The following EMD variants were observed in gnomAD, a reference collection of about 807,000 sequenced individuals.
The protein encoded by EMD is emerin.
Under a neutral mutation model 15.2 loss-of-function variants are expected in EMD, and 2 were observed. The ratio of observed to expected loss-of-function variants is 0.13; its 90% CI spans 0.05 to 0.41. EMD has a LOEUF of 0.41. Ranked by LOEUF, EMD falls within the 10% of genes least tolerant of loss-of-function variation. The pLI, the probability that EMD is intolerant of heterozygous loss-of-function variation, is 0.99. For missense variants in EMD, 224 were observed against 213.4 expected (o/e 1.05, Z -0.31); for synonymous variants, 122 against 86.2 (o/e 1.42, Z -2.30).
chrX:154,379,532 G>C lies in EMD; in HGVS notation c.48G>C (p.Leu16=). 8.5e-7 allele frequency: 1 copy of C among 1,170,754 alleles called. No individual in the cohort carries two copies. Among genetic ancestry groups the C allele is most frequent in the Non-Finnish European group, 1.1e-6 (1 of 874,419 alleles). ...DLSDTELTTL[L]RRYNIPHGPV... ...CGGATACCGAGCTGACCACCTTGCT[G>C]CGCCGGTACAACATCCCGCACGGGC... Residue 16 remains leucine, a synonymous_variant, in exon 1 of 6, where the codon CTG becomes CTC. Transcript: ENST00000369842.
At chrX:154,380,212 T>C in intron 3 of EMD, 22 bp from the exon 4 acceptor site, 2 of 1,211,035 alleles carry the variant, frequency 1.7e-6, no homozygotes, top group Non-Finnish European at 2.2e-6. Context: ...CCCCCTCTGC[T>C]ACCGCTGCCC....
In EMD at chrX:154,381,144, G is replaced by T. The variant is rs782455914; in HGVS notation, c.712G>T (p.Val238Phe). Residue 238 changes from valine (V) to phenylalanine (F), a missense_variant, in exon 6 of 6, where the codon GTC (valine) becomes TTC (phenylalanine). Physicochemically the swap from Val to Phe is conservative, Grantham distance 50 (BLOSUM62 -1). Coordinates refer to ENST00000369842, the MANE Select transcript of EMD (RefSeq NM_000117.3). The part of the protein sequence containing the change: ...QLLLFLVFVI[V>F]LFFIYHFMQA... ...GCTGCTTTTCCTGGTCTTTGTGATC[G>T]TCCTCTTCTTCATTTACCACTTCAT... 8.3e-7 allele frequency: 1 copy of T among 1,209,653 alleles called. No homozygotes were observed. The highest frequency in any genetic ancestry group is 3.0e-5 in the East Asian group (1 of 33,748).
Position 154,379,397 on chromosome X carries a change from C to T in EMD, c.-88C>T. On this transcript the variant is annotated 5_prime_UTR_variant, in exon 1 of 6. Transcript: ENST00000369842. ...GGCCGCTCCCGATGCGCTCGTGCCG[C>T]CCCCGCCGTGCTCCTCGGCAGCCGT... 1.8e-5 allele frequency: 18 copies of T among 1,004,050 alleles called. No individual in the cohort carries two copies. Among genetic ancestry groups the T allele is most frequent in the Non-Finnish European group, 2.2e-5 (16 of 733,492 alleles). The allele number at this position is 1,004,050 out of a possible 1,213,427, so 82.7% of individuals were successfully genotyped here.
Position 154,380,944 on chromosome X carries a change from C to T in EMD, c.512C>T (p.Ser171Leu). The part of the protein sequence containing the change: ...YQSITHYRPV[S>L]ASRSSLDLSY... Reference sequence around the variant, plus strand: ...AGCATCACGCACTACCGCCCTGTTTCAGCCTCCAGGAGCTCCCTGGACCTG... The same window carrying T: ...AGCATCACGCACTACCGCCCTGTTTTAGCCTCCAGGAGCTCCCTGGACCTG... Residue 171 changes from serine (S) to leucine (L), a missense_variant, in exon 6 of 6, where the codon TCA becomes TTA. Coordinates refer to ENST00000369842, the MANE Select transcript of EMD (RefSeq NM_000117.3). 1 of 1,211,619 alleles carries T rather than the reference C, an allele frequency of 8.3e-7. No individual in the cohort carries two copies. Among genetic ancestry groups the T allele is most frequent in the African/African-American group, 1.7e-5 (1 of 57,796 alleles).
At chrX:154,380,527 C>T in intron 4 of EMD, 160 bp downstream of exon 4, 1 of 955,359 alleles carries the variant, frequency 1.0e-6, no homozygotes, top group Non-Finnish European at 1.5e-6. Context: ...TAGGCTCAGA[C>T]TCTTCCTGAG....
At chrX:154,380,483 A>G in intron 4 of EMD, 116 bp downstream of exon 4, 1 of 1,082,205 alleles carries the variant, frequency 9.2e-7, no homozygotes, top group Admixed American at 2.3e-5. Context: ...CTCCGGGGAG[A>G]CTCTGTGTGA....
chrX:154,379,826 ACG>A, intron 2 of EMD, 32 bp downstream of exon 2: 2 of 1,186,294 alleles, frequency 1.7e-6, no homozygotes, highest in Non-Finnish European at 2.3e-6. Context: ...ACAGCCTGGG[ACG>A]CGGGGAGGAT....
chrX:154,379,851 G>A, intron 2 of EMD, 57 bp downstream of exon 2: 1 of 1,175,068 alleles, frequency 8.5e-7, no homozygotes, highest in South Asian at 1.8e-5. Flanking sequence ...GGTCGCGAGG[G>A]TGTGGCAGGG....
intron 3 of EMD, 85 bp downstream of exon 3, chrX:154,380,104 G>C (rs1185057372): frequency 2.3e-5 from 28 of 1,192,959 alleles, no homozygotes; most frequent in Non-Finnish European, 3.1e-5. Flanking sequence ...TGAGACCTCA[G>C]TCCCAACCAC....
Position 154,379,983 on chromosome X carries a change from C to T in EMD, c.229C>T (p.Pro77Ser), listed in dbSNP as rs1557182365. The change falls in exon 3 of 6, where the codon CCC becomes TCC. Residue 77 changes from proline to serine, a missense_variant. Transcript: ENST00000369842. Reference protein sequence around the residue: ...TRGDADMYDLPKKEDALLYQS... With the variant: ...TRGDADMYDLSKKEDALLYQS... ...AGGGGATGCAGATATGTATGATCTT[C>T]CCAAGAAAGAGGACGCTTTACTCTA... 3.3e-6 allele frequency: 4 copies of T among 1,211,639 alleles called. No homozygotes were observed. Among genetic ancestry groups the T allele is most frequent in the Non-Finnish European group, 4.5e-6 (4 of 895,374 alleles).
At chrX:154,380,721 G>A in intron 4 of EMD, 32 bp from the exon 5 acceptor site, 4 of 1,210,588 alleles carry the variant, frequency 3.3e-6, no homozygotes, top group Non-Finnish European at 4.5e-6. Flanking sequence ...GGCCCTGCCA[G>A]CCAGTCCCCT....
chrX:154,380,251 T>G lies in EMD; in HGVS notation c.283T>G (p.Tyr95Asp). The change falls in exon 4 of 6, where the codon TAT (tyrosine) becomes GAT (aspartate). Residue 95 changes from tyrosine (Y) to aspartate (D), a missense_variant. Tyr to Asp is a radical substitution (Grantham distance 160). Coordinates refer to ENST00000369842, the MANE Select transcript of EMD (RefSeq NM_000117.3). ...YQSKGYNDDY[Y>D]EESYFTTRTY... The stretch of plus-strand genomic sequence containing the variant: ...TTCCCAAGGCTACAATGACGACTAC[T>G]ATGAAGAGAGCTACTTCACCACCAG... 8.3e-7 allele frequency: 1 copy of G among 1,211,056 alleles called. No individual in the cohort carries two copies. The highest frequency in any genetic ancestry group is 1.1e-6 in the Non-Finnish European group (1 of 895,501).
In EMD at chrX:154,380,223, C is replaced by T; in HGVS notation, c.266-11C>T. The T allele has an allele frequency of 8.3e-7, 1 of 1,211,289 alleles. No individual in the cohort carries two copies. The highest frequency in any genetic ancestry group is 2.2e-5 in the Admixed American group (1 of 46,112). Reference sequence around the variant, plus strand: ...GATGCCCCCTCTGCTACCGCTGCCCCCCTTCCCAAGGCTACAATGACGACT... The same window carrying T: ...GATGCCCCCTCTGCTACCGCTGCCCTCCTTCCCAAGGCTACAATGACGACT... On this transcript the variant is annotated splice_polypyrimidine_tract_variant and intron_variant, in intron 3 of 5. Coordinates refer to ENST00000369842, the MANE Select transcript of EMD (RefSeq NM_000117.3).
rs1557182736 is a variant in EMD, at chrX:154,381,205, C to T, written c.*8C>T. Reference sequence around the variant, plus strand: ...GAAGGCAACCCCTTCTAGAGGGAGCCATGAGGGTCTGGGCTTCAGAGCTAG... The same window carrying T: ...GAAGGCAACCCCTTCTAGAGGGAGCTATGAGGGTCTGGGCTTCAGAGCTAG... On this transcript the variant is annotated 3_prime_UTR_variant, in exon 6 of 6. Transcript: ENST00000369842. The T allele has an allele frequency of 3.7e-5, 39 of 1,057,858 alleles. No individual in the cohort carries two copies. The highest frequency in any genetic ancestry group is 4.7e-5 in the Non-Finnish European group (38 of 803,394). 87.2% of individuals were successfully genotyped at this position (1,057,858 alleles called of 1,213,427 possible).
intron 3 of EMD, 101 bp downstream of exon 3, chrX:154,380,120 C>T: frequency 1.7e-6 from 2 of 1,195,889 alleles, no homozygotes; most frequent in Non-Finnish European, 1.1e-6. Context: ...ACCACTCCAG[C>T]AGCCTTAGGA....
chrX:154,379,873 G>A, intron 2 of EMD, 69 bp from the exon 3 acceptor site: 1 of 1,180,319 alleles, frequency 8.5e-7, no homozygotes, highest in Non-Finnish European at 1.2e-6. Flanking sequence ...GGCCGGTCGA[G>A]AGCGGCACTG....
chrX:154,379,873 G>T, intron 2 of EMD, 69 bp from the exon 3 acceptor site: 1 of 1,180,319 alleles, frequency 8.5e-7, no homozygotes, highest in South Asian at 1.8e-5. Flanking sequence ...GGCCGGTCGA[G>T]AGCGGCACTG....
At position 154,379,760 on chromosome X, in the gene EMD, C is replaced by T. The variant is rs782051850; in HGVS notation, c.153C>T (p.Pro51=). 8.3e-7 allele frequency: 1 copy of T among 1,207,026 alleles called. No individual in the cohort carries two copies. Among genetic ancestry groups the T allele is most frequent in the Non-Finnish European group, 1.1e-6 (1 of 893,678 alleles). Residue 51 remains proline, a synonymous_variant, in exon 2 of 6, where the codon CCC becomes CCT. Transcript: ENST00000369842. ...YETQRRRLSP[P]SSSAASSYSF... ...CCCAGAGGCGGCGGCTCTCGCCCCC[C>T]AGCTCGTCCGCCGCCTCCTCTTATA... is the stretch of plus-strand genomic sequence containing the variant.
chrX:154,379,461 C>T lies in EMD; in HGVS notation c.-24C>T, dbSNP rs958112509. The T allele has an allele frequency of 9.5e-6, 11 of 1,162,784 alleles. No individual in the cohort carries two copies. In the Admixed American group the frequency reaches 2.6e-4, roughly 27 times the overall value. ...TTGGTAGGCCCGGGCCGCCGCCAGG[C>T]CTCCGCCTGAGCCCGCACCCGCCAT... On this transcript the variant is annotated 5_prime_UTR_variant, in exon 1 of 6. Coordinates refer to ENST00000369842, the MANE Select transcript of EMD (RefSeq NM_000117.3).
Sources: allele counts gnomAD v4.1 joint callset, GRCh38; gene constraint gnomAD v4.1.1; transcripts MANE v1.5; gene names NCBI Gene and HGNC (gene_info 2026-07-23, HGNC 2026-07-21).